The following PDE1C variants were observed in gnomAD, a reference collection of about 807,000 sequenced individuals.
PDE1C encodes dual specificity calcium/calmodulin-dependent 3',5'-cyclic nucleotide phosphodiesterase 1C.
A neutral mutation model predicts 93.1 loss-of-function variants in PDE1C; 62 were observed. That is an observed-to-expected ratio of 0.67 (90% confidence interval 0.54 to 0.82). PDE1C has a LOEUF of 0.82. Among genes scored for constraint, PDE1C ranks in the 40% least tolerant of loss-of-function variants. The pLI is 0.00. For synonymous variants in PDE1C, 325 were observed against 310.1 expected, an observed-to-expected ratio of 1.05 and a Z score of -0.50; for missense variants, 742 against 884.6, an observed-to-expected ratio of 0.84 and a Z score of 2.04.
At chr7:32,383,231 G>A (rs1040663768) in intron 1 of PDE1C, among the ~76,000 whole-genome samples, 5 of 152,130 alleles carry the variant, frequency 3.3e-5, no homozygotes, top group Admixed American at 6.5e-5. Flanking sequence ...TGCACTGTAC[G>A]AGTTCTCAGC....
At chr7:32,020,636 C>T (rs559968753) in intron 2 of PDE1C, among the ~76,000 whole-genome samples, 2 of 152,024 alleles carry the variant, frequency 1.3e-5, no homozygotes, top group African/African-American at 4.8e-5. Flanking sequence ...TGTAAAATTG[C>T]AGTTACATTT....
chr7:31,649,767 G>C, the PDE1C span, among the ~76,000 whole-genome samples: 8 of 152,158 alleles, frequency 5.3e-5, no homozygotes, highest in Non-Finnish European at 1.0e-4. Context: ...GGGGATAGCT[G>C]GTAAGAACTC....
At chr7:32,398,302 CA>C (rs372761892) in intron 1 of PDE1C, among the ~76,000 whole-genome samples, 5,090 of 137,394 alleles carry the variant, frequency 0.037, 196 homozygotes, top group African/African-American at 0.11. Flanking sequence ...GACTCCGTCT[CA>C]AAAAAAAAAA....
At chr7:32,260,412 G>A (rs1231507387) in intron 1 of PDE1C, among the ~76,000 whole-genome samples, 1 of 152,206 alleles carries the variant, frequency 6.6e-6, no homozygotes, top group African/African-American at 2.4e-5. Context: ...ACTGTGAGAT[G>A]ACGTATGTGT....
chr7:32,237,863 T>G (rs1198007438), intron 1 of PDE1C, among the ~76,000 whole-genome samples: 3 of 149,772 alleles, frequency 2.0e-5, no homozygotes. Context: ...CTCCGCCTCC[T>G]GGGTTCAAGC....
At chr7:32,252,182 T>G (rs375706391) in intron 1 of PDE1C, among the ~76,000 whole-genome samples, 9 of 152,336 alleles carry the variant, frequency 5.9e-5, no homozygotes, top group Admixed American at 3.3e-4. Flanking sequence ...AATATAAGTA[T>G]ATAAACAATG....
chr7:31,813,652 A>AT (rs1223284623), intron 15 of PDE1C, among the ~76,000 whole-genome samples: 8 of 151,926 alleles, frequency 5.3e-5, no homozygotes, highest in South Asian at 2.1e-4. Context: ...ATATGTTTTT[A>AT]TTTTTTTTAA....
the PDE1C span, among the ~76,000 whole-genome samples, chr7:31,622,982 G>A: frequency 0.24 from 36,603 of 151,920 alleles, 5,596 homozygotes; most frequent in Non-Finnish European, 0.33. Flanking sequence ...AAACATCTAC[G>A]CCAATAAACT....
intron 2 of PDE1C, among the ~76,000 whole-genome samples, chr7:31,886,260 C>T (rs930776182): frequency 1.3e-5 from 2 of 152,222 alleles, no homozygotes; most frequent in African/African-American, 4.8e-5. Flanking sequence ...CACTCCTGTC[C>T]TCTGCCACTT....
the PDE1C span, among the ~76,000 whole-genome samples, chr7:31,622,262 G>A: frequency 7.0e-5 from 10 of 143,586 alleles, no homozygotes; most frequent in East Asian, 2.1e-4. Context: ...GACCTAATAG[G>A]CATCTACAGA....
chr7:32,042,750 C>T, intron 2 of PDE1C, among the ~76,000 whole-genome samples: 1 of 152,196 alleles, frequency 6.6e-6, no homozygotes. Flanking sequence ...GATCTCTGTG[C>T]TAACTGGCAG....
chr7:31,650,903 C>A, the PDE1C span, among the ~76,000 whole-genome samples: 1 of 152,164 alleles, frequency 6.6e-6, no homozygotes, highest in African/African-American at 2.4e-5. Flanking sequence ...CTCTGGGACA[C>A]AATGATTGTC....
the PDE1C span, among the ~76,000 whole-genome samples, chr7:31,739,218 C>CAT: frequency 6.6e-6 from 1 of 151,386 alleles, no homozygotes; most frequent in African/African-American, 2.4e-5. Flanking sequence ...CACACACACA[C>CAT]ACACACACAC....
chr7:32,241,565 TAAGAAATTTTTCTACAA>T (rs1473049942), intron 1 of PDE1C, among the ~76,000 whole-genome samples: 1 of 152,136 alleles, frequency 6.6e-6, no homozygotes, highest in African/African-American at 2.4e-5. Context: ...AAAATTATGT[TAAGAAATTTTTCTACAA>T]AAGATATCTA....
chr7:31,756,173 T>C (rs981831719), intron 17 of PDE1C, among the ~76,000 whole-genome samples: 1 of 152,058 alleles, frequency 6.6e-6, no homozygotes, highest in African/African-American at 2.4e-5. Flanking sequence ...CTCCTTCTCA[T>C]AAATAAATAA....
chr7:32,187,967 A>G (rs1388202222), intron 2 of PDE1C, among the ~76,000 whole-genome samples: 1 of 152,174 alleles, frequency 6.6e-6, no homozygotes, highest in South Asian at 2.1e-4. Context: ...TCCTGTTTCA[A>G]TTGGCTGAAG....
chr7:31,949,384 T>C (rs1200033496), intron 2 of PDE1C, among the ~76,000 whole-genome samples: 1 of 152,124 alleles, frequency 6.6e-6, no homozygotes, highest in Non-Finnish European at 1.5e-5. Flanking sequence ...CACTTGAACC[T>C]GGGAGGTGAA....
chr7:32,020,806 G>A (rs1788562061), intron 2 of PDE1C, among the ~76,000 whole-genome samples: 1 of 152,054 alleles, frequency 6.6e-6, no homozygotes, highest in Non-Finnish European at 1.5e-5. Context: ...AACAACATGA[G>A]GATCATATAG....
Position 32,087,119 on chromosome 7 carries a change from A to C in PDE1C, c.308+82666T>G, listed in dbSNP as rs546468753. Among the ~76,000 whole-genome samples, 82 of 152,270 alleles carry C rather than the reference A, an allele frequency of 5.4e-4. 1 individual carries two copies. The highest frequency in any genetic ancestry group is 1.4e-3 in the Admixed American group (22 of 15,288). ...CAACCTACTCATGTGACAAAGGGCTAATATCCAGAATCTACAAAGAACTCA... is the reference window on the plus strand; with the variant it reads ...CAACCTACTCATGTGACAAAGGGCTCATATCCAGAATCTACAAAGAACTCA... On this transcript the variant is annotated intron_variant, in intron 3 of 18. Transcript: ENST00000396193.
Sources: gnomAD v4.1 joint callset for allele counts (sites outside exome capture counted in the v4.1 genomes callset) on GRCh38, gnomAD v4.1.1 for gene constraint, MANE v1.5 for transcripts, NCBI Gene and HGNC (gene_info 2026-07-23, HGNC 2026-07-21) for gene names.